Variants in LUZP2 observed in about 807,000 individuals in gnomAD.
LUZP2 encodes the protein leucine zipper protein 2.
A neutral mutation model predicts 51.6 loss-of-function variants in LUZP2; 52 were observed. That is an observed-to-expected ratio of 1.01 (90% CI 0.81 to 1.27). The LOEUF (loss-of-function observed/expected upper bound fraction) is 1.27. Among genes scored for constraint, LUZP2 ranks in the 50% most tolerant of loss-of-function variants. LUZP2 has a pLI of 0.00. For missense variants in LUZP2, 436 were observed against 395.4 expected (o/e 1.10, Z -0.87); for synonymous variants, 154 against 137.3 (o/e 1.12, Z -0.85).
At chr11:24,924,383 G>A (rs1043814121) in intron 7 of LUZP2, among the ~76,000 whole-genome samples, 4 of 151,852 alleles carry the variant, frequency 2.6e-5, no homozygotes, top group Non-Finnish European at 5.9e-5. Flanking sequence ...CAGCCCGCTT[G>A]CCCCTTTTAT....
Position 24,732,132 on chromosome 11 carries a change from T to G in LUZP2, c.195T>G (p.Asp65Glu). 6.2e-7 allele frequency: 1 copy of G among 1,608,806 alleles called. No homozygotes were observed. Among genetic ancestry groups the G allele is most frequent in the Non-Finnish European group, 8.5e-7 (1 of 1,176,736 alleles). The change falls in exon 3 of 12, where the codon GAT (aspartate) becomes GAG (glutamate). Residue 65 changes from aspartate to glutamate, a missense_variant. Coordinates refer to ENST00000336930, the MANE Select transcript of LUZP2 (RefSeq NM_001009909.4). ...TTTCTTATCAGTCCTTAAAAAACGATGAGCAGTCTGCCAAAACTGATGTTC... is the reference window on the plus strand; with the variant it reads ...TTTCTTATCAGTCCTTAAAAAACGAGGAGCAGTCTGCCAAAACTGATGTTC... ...IKVNLQSLKN[D>E]EQSAKTDVQK... is the part of the protein sequence containing the mutation.
intron 1 of LUZP2, among the ~76,000 whole-genome samples, chr11:24,530,058 G>A (rs1850945685): frequency 6.6e-6 from 1 of 150,836 alleles, no homozygotes; most frequent in Non-Finnish European, 1.5e-5. Flanking sequence ...TAAAACTTGG[G>A]TATTAACCTT....
intron 1 of LUZP2, among the ~76,000 whole-genome samples, chr11:24,591,238 A>T (rs2133842476): frequency 6.6e-6 from 1 of 152,220 alleles, no homozygotes; most frequent in East Asian, 1.9e-4. Flanking sequence ...CATCAGGAAG[A>T]TCACACACCA....
At chr11:24,713,514 A>G (rs900241794) in intron 1 of LUZP2, among the ~76,000 whole-genome samples, 1 of 151,986 alleles carries the variant, frequency 6.6e-6, no homozygotes, top group African/African-American at 2.4e-5. Flanking sequence ...CCAACCATCC[A>G]AAGATCAGAA....
At chr11:24,775,993 C>G (rs111433215) in intron 5 of LUZP2, among the ~76,000 whole-genome samples, 5 of 152,236 alleles carry the variant, frequency 3.3e-5, no homozygotes, top group African/African-American at 1.2e-4. Flanking sequence ...ATTAGTTCAT[C>G]AATAAGCAGT....
In LUZP2 at chr11:24,595,754, C is replaced by T. The variant is rs976121076; in HGVS notation, c.62+98449C>T. Among the ~76,000 whole-genome samples, 6 of 152,120 alleles carry T rather than the reference C, an allele frequency of 3.9e-5. No individual in the cohort carries two copies. In the South Asian group the frequency reaches 1.2e-3, roughly 31 times the overall value. ...GACTGTAAAACAGCTTACTGCTTTG[C>T]CTATTCAATGAAGAGATGGCAAGTG... On this transcript the variant is annotated intron_variant, in intron 1 of 11. Transcript: ENST00000336930.
At chr11:24,654,640 A>G (rs1227724118) in intron 1 of LUZP2, among the ~76,000 whole-genome samples, 5 of 65,478 alleles carry the variant, frequency 7.6e-5, no homozygotes, top group Non-Finnish European at 1.7e-4. Context: ...CCCCCACCCC[A>G]CCCACCCCTG....
chr11:24,775,896 G>T (rs1848901613), intron 5 of LUZP2, among the ~76,000 whole-genome samples: 1 of 152,126 alleles, frequency 6.6e-6, no homozygotes, highest in Non-Finnish European at 1.5e-5. Context: ...AGAAAACTAT[G>T]CATGTTAGAC....
chr11:25,047,098 G>T (rs1442789384), intron 9 of LUZP2, among the ~76,000 whole-genome samples: 1 of 152,080 alleles, frequency 6.6e-6, no homozygotes, highest in African/African-American at 2.4e-5. Context: ...ATTGTCCCTT[G>T]CCTGTTAGTG....
intron 5 of LUZP2, among the ~76,000 whole-genome samples, chr11:24,817,449 G>T (rs1224643161): frequency 1.3e-5 from 2 of 151,978 alleles, no homozygotes; most frequent in African/African-American, 4.8e-5. Flanking sequence ...CAAATGAGGA[G>T]CAGTCTCAGA....
chr11:24,897,730 C>G (rs116993766), intron 5 of LUZP2, among the ~76,000 whole-genome samples: 1 of 152,280 alleles, frequency 6.6e-6, no homozygotes, highest in South Asian at 2.1e-4. Context: ...CCACCAATTT[C>G]GGACACAATA....
At chr11:24,703,435 C>T (rs1166110353) in intron 1 of LUZP2, among the ~76,000 whole-genome samples, 1 of 152,084 alleles carries the variant, frequency 6.6e-6, no homozygotes, top group South Asian at 2.1e-4. Flanking sequence ...GCCTGAATAG[C>T]CTGATTTTAG....
intron 1 of LUZP2, among the ~76,000 whole-genome samples, chr11:24,622,025 C>A (rs1854513182): frequency 6.6e-6 from 1 of 152,016 alleles, no homozygotes; most frequent in African/African-American, 2.4e-5. Context: ...ACTGCAGCCT[C>A]TGCTTCCTGG....
At chr11:24,920,227 T>C (rs1164156017) in intron 7 of LUZP2, among the ~76,000 whole-genome samples, 2 of 152,002 alleles carry the variant, frequency 1.3e-5, no homozygotes, top group Admixed American at 6.6e-5. Flanking sequence ...TTGTTGTTTA[T>C]TGAATAAAAA....
chr11:24,791,586 C>A (rs962510833), intron 5 of LUZP2, among the ~76,000 whole-genome samples: 4 of 151,808 alleles, frequency 2.6e-5, no homozygotes, highest in African/African-American at 9.7e-5. Context: ...GCATGTAAAG[C>A]AGCTTGTATA....
At chr11:24,650,701 G>T (rs576107930) in intron 1 of LUZP2, among the ~76,000 whole-genome samples, 1 of 151,954 alleles carries the variant, frequency 6.6e-6, no homozygotes, top group African/African-American at 2.4e-5. Context: ...GTGAGATTTC[G>T]ATCTAACAAA....
rs145261345 is a variant in LUZP2 at position 24,715,962 on chromosome 11, A to G, written c.63-13207A>G. On this transcript the variant is annotated intron_variant, in intron 1 of 11. Transcript: ENST00000336930. ...TCATCATTTACTATCTGTCTTTGGA[A>G]AAATTACTTAAATTATGAACCTACT... is the stretch of plus-strand genomic sequence containing the variant. Among the ~76,000 whole-genome samples the G allele has an allele frequency of 9.8e-3, 1,489 of 152,264 alleles. 18 individuals carry two copies. Among genetic ancestry groups the G allele is most frequent in the South Asian group, 0.044 (212 of 4,828 alleles).
At chr11:25,078,531 G>A in intron 11 of LUZP2, 23 bp from the exon 12 acceptor site, 1 of 1,564,032 alleles carries the variant, frequency 6.4e-7, no homozygotes, top group Non-Finnish European at 8.8e-7. Flanking sequence ...TCTTCGAATT[G>A]TCTTTTCTGT....
At chr11:24,648,719 A>G (rs190094464) in intron 1 of LUZP2, among the ~76,000 whole-genome samples, 9 of 152,036 alleles carry the variant, frequency 5.9e-5, no homozygotes, top group Non-Finnish European at 1.0e-4. Flanking sequence ...TGGATACTAG[A>G]AAGGAAACGA....
Sources: allele counts gnomAD v4.1 joint callset (sites outside exome capture counted in the v4.1 genomes callset), GRCh38; gene constraint gnomAD v4.1.1; transcripts MANE v1.5; gene names NCBI Gene and HGNC (gene_info 2026-07-23, HGNC 2026-07-21).